The following NBEAL1 variants were observed in gnomAD, a reference collection of about 807,000 sequenced individuals.
NBEAL1 encodes neurobeachin-like protein 1.
Under a neutral mutation model 351.3 loss-of-function variants are expected in NBEAL1, and 273 were observed. The observed-to-expected ratio is 0.78, with a 90% CI of 0.70 to 0.86. The LOEUF is 0.86. Ranked by LOEUF, NBEAL1 falls within the 40% of genes least tolerant of loss-of-function variation. The pLI, the probability that NBEAL1 is intolerant of heterozygous loss-of-function variation, is 0.00. For synonymous variants in NBEAL1, 1,050 were observed against 1,086.4 expected, an observed-to-expected ratio of 0.97 and a Z score of 0.66; for missense variants, 2,961 against 3,201.3, an observed-to-expected ratio of 0.92 and a Z score of 1.81.
intron 15 of NBEAL1, 48 bp downstream of exon 15, chr2:203,110,330 T>C: frequency 2.0e-6 from 3 of 1,502,476 alleles, no homozygotes; most frequent in Non-Finnish European, 2.7e-6. Flanking sequence ...GTTAATGGTA[T>C]TTCCCACCAT....
intron 32 of NBEAL1, 47 bp from the exon 33 acceptor site, chr2:203,144,964 G>T: frequency 6.6e-7 from 1 of 1,506,016 alleles, no homozygotes; most frequent in Non-Finnish European, 8.9e-7. Context: ...TTATAGAGGT[G>T]AAGTCATATA....
rs541113475 is a variant in NBEAL1 at position 203,066,583 on chromosome 2, C to T, written c.516-1810C>T. ...GTCATCATGGCCCGTTCTCAATGGT[C>T]GCTGTCTCTTTGGAGCTGTTGGGTA... On this transcript the variant is annotated intron_variant, in intron 6 of 55. Coordinates refer to ENST00000683969, the MANE Select transcript of NBEAL1 (RefSeq NM_001378026.1). Among the ~76,000 whole-genome samples, 62 of 152,322 alleles carry T rather than the reference C, an allele frequency of 4.1e-4. No homozygotes were observed. The South Asian group carries it at 8.3e-3, about 20-fold the overall frequency.
At chr2:203,120,816 T>C (rs2062812824) in intron 18 of NBEAL1, among the ~76,000 whole-genome samples, 1 of 152,202 alleles carries the variant, frequency 6.6e-6, no homozygotes, top group Non-Finnish European at 1.5e-5. Context: ...AGGTCATAGA[T>C]ACACAGTTTT....
At position 203,127,761 on chromosome 2, in the gene NBEAL1, T is replaced by C. The variant is rs1020967689; in HGVS notation, c.3249-20T>C. 4 of 1,449,188 alleles carry C rather than the reference T, an allele frequency of 2.8e-6. No homozygotes were observed. Among genetic ancestry groups the C allele is most frequent in the Non-Finnish European group, 3.8e-6 (4 of 1,062,338 alleles). 89.8% of individuals were successfully genotyped at this position (1,449,188 alleles called of 1,614,324 possible). A position where few individuals can be genotyped will look rare whatever the true frequency, so the allele number is the denominator to read the frequency against. ...GTAAAAATTAAAATTTCAATTCTTA[T>C]ACTTTGTTTTGTCTTTCAGGAATGG... On this transcript the variant is annotated intron_variant, in intron 23 of 55. Transcript: ENST00000683969.
intron 7 of NBEAL1, among the ~76,000 whole-genome samples, chr2:203,076,481 A>C (rs984558167): frequency 7.1e-6 from 1 of 141,006 alleles, no homozygotes; most frequent in African/African-American, 2.6e-5. Flanking sequence ...TGTCTCAAAA[A>C]CAAACAAACA....
intron 2 of NBEAL1, among the ~76,000 whole-genome samples, chr2:203,017,660 T>A (rs1224682300): frequency 6.6e-6 from 1 of 152,094 alleles, no homozygotes; most frequent in Non-Finnish European, 1.5e-5. Context: ...ACATCAAACT[T>A]ACTAGGTTTT....
intron 6 of NBEAL1, among the ~76,000 whole-genome samples, chr2:203,067,974 T>C (rs941977420): frequency 6.6e-6 from 1 of 152,234 alleles, no homozygotes; most frequent in Admixed American, 6.5e-5. Flanking sequence ...AGCTAATGTA[T>C]GGCCTCATTA....
At chr2:203,078,710 CAT>C (rs2061821883) in intron 8 of NBEAL1, among the ~76,000 whole-genome samples, 1 of 152,136 alleles carries the variant, frequency 6.6e-6, no homozygotes, top group African/African-American at 2.4e-5. Context: ...CATGTATAAA[CAT>C]GTGTTTTCTT....
intron 10 of NBEAL1, among the ~76,000 whole-genome samples, chr2:203,089,455 A>T (rs1350998045): frequency 6.6e-6 from 1 of 152,170 alleles, no homozygotes; most frequent in East Asian, 1.9e-4. Flanking sequence ...CTCAATACAA[A>T]AAAGAAACTT....
intron 4 of NBEAL1, among the ~76,000 whole-genome samples, chr2:203,053,400 C>T (rs2061353708): frequency 6.6e-6 from 1 of 152,106 alleles, no homozygotes; most frequent in African/African-American, 2.4e-5. Context: ...AGATCTTTTG[C>T]TCATTTTTAA....
intron 2 of NBEAL1, among the ~76,000 whole-genome samples, chr2:203,033,548 C>T (rs1157809898): frequency 6.6e-6 from 1 of 152,260 alleles, no homozygotes; most frequent in East Asian, 1.9e-4. Flanking sequence ...GCAAATCTTT[C>T]TAGTAGTAAT....
chr2:203,220,181 G>A lies in NBEAL1; in HGVS notation c.*2827G>A, dbSNP rs2065939354. On this transcript the variant is annotated 3_prime_UTR_variant, in exon 56 of 56. Transcript: ENST00000683969. Reference sequence around the variant, plus strand: ...ATTGGTGAATATAGTATCTCAAGTTGGCTCTTACAAAGTCTGTTACCTGGC... The same window carrying A: ...ATTGGTGAATATAGTATCTCAAGTTAGCTCTTACAAAGTCTGTTACCTGGC... 1.3e-5 allele frequency among the ~76,000 whole-genome samples: 2 copies of A among 152,044 alleles called. No individual in the cohort carries two copies. The highest frequency in any genetic ancestry group is 1.3e-4 in the Admixed American group (2 of 15,250).
intron 7 of NBEAL1, among the ~76,000 whole-genome samples, chr2:203,073,737 AT>A (rs1298032277): frequency 2.0e-5 from 3 of 151,460 alleles, no homozygotes; most frequent in Non-Finnish European, 4.4e-5. Flanking sequence ...CTTTTTCATT[AT>A]TTTTTCTATT....
At chr2:203,200,452 G>T (rs180807230) in intron 49 of NBEAL1, among the ~76,000 whole-genome samples, 5 of 152,320 alleles carry the variant, frequency 3.3e-5, no homozygotes, top group African/African-American at 1.2e-4. Flanking sequence ...GGCAGAGCTT[G>T]CAGTGAGCCG....
intron 2 of NBEAL1, among the ~76,000 whole-genome samples, chr2:203,018,080 C>T (rs2060709095): frequency 6.6e-6 from 1 of 152,104 alleles, no homozygotes; most frequent in African/African-American, 2.4e-5. Flanking sequence ...ACAACATTCT[C>T]TTCTGCAGAC....
At chr2:203,022,858 A>G (rs2060792891) in intron 2 of NBEAL1, among the ~76,000 whole-genome samples, 2 of 152,174 alleles carry the variant, frequency 1.3e-5, no homozygotes, top group East Asian at 3.8e-4. Context: ...ATTATCTTGA[A>G]TAATGATTTG....
At chr2:203,155,624 T>C (rs1167352489) in intron 35 of NBEAL1, among the ~76,000 whole-genome samples, 1 of 152,000 alleles carries the variant, frequency 6.6e-6, no homozygotes, top group East Asian at 1.9e-4. Context: ...TTTTAAACTT[T>C]TTTTGTAGAG....
intron 38 of NBEAL1, among the ~76,000 whole-genome samples, chr2:203,168,635 C>T (rs2064214877): frequency 6.6e-6 from 1 of 151,822 alleles, no homozygotes; most frequent in South Asian, 2.1e-4. Flanking sequence ...ATAGCTCACG[C>T]CTATAGTCCT....
At chr2:203,146,045 G>C (rs1371700689) in intron 33 of NBEAL1, among the ~76,000 whole-genome samples, 1 of 149,416 alleles carries the variant, frequency 6.7e-6, no homozygotes, top group African/African-American at 2.4e-5. Flanking sequence ...TTTATACCAG[G>C]AAAGAAAGAG....
Sources: allele counts gnomAD v4.1 joint callset (sites outside exome capture counted in the v4.1 genomes callset), GRCh38; gene constraint gnomAD v4.1.1; transcripts MANE v1.5; gene names NCBI Gene and HGNC (gene_info 2026-07-23, HGNC 2026-07-21).